CCDC88A: variants seen among roughly 807,000 people sequenced by gnomAD.
The protein encoded by CCDC88A is girdin.
A neutral mutation model predicts 234.3 loss-of-function variants in CCDC88A; 54 were observed. The ratio of observed to expected loss-of-function variants is 0.23; its 90% CI spans 0.19 to 0.29. CCDC88A has a LOEUF of 0.29. CCDC88A is among the 10% of genes least tolerant of loss of function. CCDC88A has a pLI of 1.00. For synonymous variants in CCDC88A, 753 were observed against 737.8 expected (o/e 1.02, Z -0.33); for missense variants, 1,832 against 2,123.4 (o/e 0.86, Z 2.70).
Position 55,349,568 on chromosome 2 carries a change from T to G in CCDC88A, c.832A>C (p.Lys278Gln), listed in dbSNP as rs775302574. The G allele has an allele frequency of 6.2e-7, 1 of 1,613,144 alleles. No homozygotes were observed. Among genetic ancestry groups the G allele is most frequent in the Non-Finnish European group, 8.5e-7 (1 of 1,179,592 alleles). The change falls in exon 9 of 33, where the codon AAA (lysine) becomes CAA (glutamine). Residue 278 changes from lysine (K) to glutamine (Q), a missense_variant. Physicochemically the swap from Lys to Gln is moderately conservative, Grantham distance 53 (BLOSUM62 1). Around this residue, in one of 6 missense-constraint regions of CCDC88A, gnomAD observed 1,282 missense variants for 1,543.6 expected, o/e 0.83. Coordinates refer to ENST00000436346, the MANE Select transcript of CCDC88A (RefSeq NM_001365480.1). Reference protein sequence around the residue: ...EEKTEQLLDCKQELEQMEIEL... With the variant: ...EEKTEQLLDCQQELEQMEIEL... ...ATTTCCATTTGCTCAAGTTCTTGTT[T>G]ACAATCCAACAACTGCTCAGTCTTT...
chr2:55,365,980 G>A (rs1260439355), intron 5 of CCDC88A, among the ~76,000 whole-genome samples: 1 of 152,178 alleles, frequency 6.6e-6, no homozygotes, highest in Non-Finnish European at 1.5e-5. Flanking sequence ...AGCCACATGC[G>A]GCTAGTGGCT....
chr2:55,377,933 GA>G (rs1673971987), intron 3 of CCDC88A, among the ~76,000 whole-genome samples: 1 of 152,066 alleles, frequency 6.6e-6, no homozygotes, highest in South Asian at 2.1e-4. Flanking sequence ...AACAGACACT[GA>G]ATTTTTTTTA....
chr2:55,380,096 T>C (rs1674353574), intron 3 of CCDC88A, among the ~76,000 whole-genome samples: 1 of 140,836 alleles, frequency 7.1e-6, no homozygotes, highest in Non-Finnish European at 1.5e-5. Context: ...AATAGCTGCA[T>C]GTGCTGGCAC....
chr2:55,380,089 A>G, intron 3 of CCDC88A, among the ~76,000 whole-genome samples: 1 of 136,610 alleles, frequency 7.3e-6, no homozygotes, highest in Non-Finnish European at 1.6e-5. Flanking sequence ...AAAAAAAAAT[A>G]GCTGCATGTG....
rs548135278 is a variant in CCDC88A at position 55,290,111 on chromosome 2, A to G, written c.*1089T>C. On this transcript the variant is annotated 3_prime_UTR_variant, in exon 33 of 33. Transcript: ENST00000436346. Reference sequence around the variant, plus strand: ...ATGTTTCCCTGGGTTAACTAAATCTATTTTTTTGTGCTTCTTCCAAATGTT... The same window carrying G: ...ATGTTTCCCTGGGTTAACTAAATCTGTTTTTTTGTGCTTCTTCCAAATGTT... 1.3e-5 allele frequency: 2 copies of G among 152,618 alleles called. No individual in the cohort carries two copies. Among genetic ancestry groups the G allele is most frequent in the African/African-American group, 2.4e-5 (1 of 41,550 alleles). 9.5% of individuals were successfully genotyped at this position (152,618 alleles called of 1,614,324 possible). A position where few individuals can be genotyped will look rare whatever the true frequency, so the allele number is the denominator to read the frequency against.
chr2:55,317,493 T>C lies in CCDC88A; in HGVS notation c.3602+71A>G. ...AAACTAACATTAGATGTGTTTAATATATAAAATTTATTATACTACTTGAAG... is the reference window on the plus strand; with the variant it reads ...AAACTAACATTAGATGTGTTTAATACATAAAATTTATTATACTACTTGAAG... On this transcript the variant is annotated intron_variant, in intron 20 of 32. Transcript: ENST00000436346. The surrounding 1 kb of genome is among the most constrained non-coding windows in gnomAD (Gnocchi z 4.2). The C allele has an allele frequency of 8.3e-7, 1 of 1,207,730 alleles. No individual in the cohort carries two copies. Among genetic ancestry groups the C allele is most frequent in the South Asian group, 2.0e-5 (1 of 50,554 alleles). 74.8% of individuals were successfully genotyped at this position (1,207,730 alleles called of 1,614,324 possible).
chr2:55,318,705 C>T lies in CCDC88A; in HGVS notation c.3324+138G>A, dbSNP rs1390948268. 7.0e-6 allele frequency: 4 copies of T among 567,504 alleles called. No homozygotes were observed. The Admixed American group carries it at 1.4e-4, about 20-fold the overall frequency. The allele number at this position is 567,504 out of a possible 1,614,324, so 35.2% of individuals were successfully genotyped here. On this transcript the variant is annotated intron_variant, in intron 19 of 32. Coordinates refer to ENST00000436346, the MANE Select transcript of CCDC88A (RefSeq NM_001365480.1). ...TAAAAACTGATGTGTGAAAATTTGG[C>T]ATGGCACTAAATAAAAATATTTTCA...
chr2:55,297,397 T>A (rs1680311487), intron 29 of CCDC88A, among the ~76,000 whole-genome samples: 1 of 116,698 alleles, frequency 8.6e-6, no homozygotes, highest in African/African-American at 3.3e-5. Flanking sequence ...ATATTATATA[T>A]AAATATACAT....
At chr2:55,418,155 C>T (rs1447845669) in intron 2 of CCDC88A, 2 of 152,144 alleles carry the variant, frequency 1.3e-5, no homozygotes, top group Non-Finnish European at 2.9e-5. Context: ...CAAAGATTTG[C>T]CCAATAAGTC....
chr2:55,410,050 A>G (rs1401763030), intron 2 of CCDC88A, among the ~76,000 whole-genome samples: 1 of 151,982 alleles, frequency 6.6e-6, no homozygotes, highest in Non-Finnish European at 1.5e-5. Context: ...CTACCTCCCC[A>G]CTTTTAAATG....
intron 32 of CCDC88A, 171 bp downstream of exon 32, chr2:55,291,505 A>C (rs1212247663): frequency 2.5e-6 from 1 of 395,148 alleles, no homozygotes; most frequent in African/African-American, 2.1e-5. Context: ...GACAGGTAAA[A>C]ACCTATGGCA....
At chr2:55,305,793 C>T (rs1342274548) in intron 25 of CCDC88A, among the ~76,000 whole-genome samples, 1 of 151,924 alleles carries the variant, frequency 6.6e-6, no homozygotes, top group Non-Finnish European at 1.5e-5. Flanking sequence ...TCCAGAAGTT[C>T]AAGACTGCGG....
chr2:55,383,617 C>T (rs1418335377), intron 3 of CCDC88A, among the ~76,000 whole-genome samples: 17 of 112,286 alleles, frequency 1.5e-4, no homozygotes, highest in South Asian at 3.0e-4. Context: ...AGCGAGACTC[C>T]GTCTTAAAAA....
chr2:55,293,916 C>A (rs1573972726), intron 31 of CCDC88A: 2 of 131,048 alleles, frequency 1.5e-5, no homozygotes, highest in East Asian at 2.2e-4. Flanking sequence ...TATTTTCTTA[C>A]TTTTTTTTTT....
Position 55,296,303 on chromosome 2 carries a change from A to G in CCDC88A, c.5046T>C (p.Thr1682=), listed in dbSNP as rs1382007215. 2 of 1,614,178 alleles carry G rather than the reference A, an allele frequency of 1.2e-6. No individual in the cohort carries two copies. The highest frequency in any genetic ancestry group is 2.2e-5 in the South Asian group (2 of 91,086). ...KTGSPGSEVV[T]LQQFLEESNK... ...TGCTTTCTTCCAAAAACTGTTGTAGAGTAACAACTTCACTTCCAGGGGAAC... is the reference window on the plus strand; with the variant it reads ...TGCTTTCTTCCAAAAACTGTTGTAGGGTAACAACTTCACTTCCAGGGGAAC... Residue 1682 remains threonine, a synonymous_variant, in exon 30 of 33, where the codon ACT becomes ACC. Coordinates refer to ENST00000436346, the MANE Select transcript of CCDC88A (RefSeq NM_001365480.1).
Position 55,308,851 on chromosome 2 carries a change from A to G in CCDC88A, c.4345T>C (p.Ser1449Pro). Reference sequence around the variant, plus strand: ...CCCAAGGTCTGGCCATCTTCTAAAGAGTTTGAACCTACTGAAGAACTATCT... The same window carrying G: ...CCCAAGGTCTGGCCATCTTCTAAAGGGTTTGAACCTACTGAAGAACTATCT... ...SQDSSSVGSN[S>P]LEDGQTLGTK... The change falls in exon 25 of 33, where the codon TCT becomes CCT. Residue 1449 changes from serine (S) to proline (P), a missense_variant. Coordinates refer to ENST00000436346, the MANE Select transcript of CCDC88A (RefSeq NM_001365480.1). 6.2e-7 allele frequency: 1 copy of G among 1,614,130 alleles called. No individual in the cohort carries two copies. Among genetic ancestry groups the G allele is most frequent in the Non-Finnish European group, 8.5e-7 (1 of 1,180,004 alleles).
chr2:55,361,387 T>C (rs1394165515), intron 7 of CCDC88A, among the ~76,000 whole-genome samples: 1 of 152,188 alleles, frequency 6.6e-6, no homozygotes, highest in Non-Finnish European at 1.5e-5. Context: ...TCCTAGCTTT[T>C]TAAAAAATTT....
chr2:55,385,982 G>C (rs1675542465), intron 3 of CCDC88A, among the ~76,000 whole-genome samples: 1 of 151,820 alleles, frequency 6.6e-6, no homozygotes, highest in Non-Finnish European at 1.5e-5. Context: ...CCAACACTTT[G>C]GGAGGCCGAG....
intron 16 of CCDC88A, chr2:55,329,311 C>A (rs1009932358): frequency 2.0e-5 from 3 of 152,048 alleles, no homozygotes; most frequent in Non-Finnish European, 4.4e-5. Flanking sequence ...TTTCTTAAAC[C>A]TGAAGACCCT....
Sources: gnomAD v4.1 joint callset for allele counts (sites outside exome capture counted in the v4.1 genomes callset) on GRCh38, gnomAD v4.1.1 for gene constraint, gnomAD v4.1.1 regional missense constraint, Gnocchi (gnomAD v3.1) non-coding constraint, MANE v1.5 for transcripts, NCBI Gene and HGNC (gene_info 2026-07-23, HGNC 2026-07-21) for gene names.